Variants in TPGS2 observed in about 807,000 individuals in gnomAD.
The protein encoded by TPGS2 is polyglutamylase subunit 2.
Under a neutral mutation model 31.1 loss-of-function variants are expected in TPGS2, and 26 were observed. That is an observed-to-expected ratio of 0.84 (90% confidence interval 0.61 to 1.16). The LOEUF (loss-of-function observed/expected upper bound fraction) is 1.16, where lower values mean the gene tolerates loss of function less well. Ranked by LOEUF, TPGS2 falls within the 50% of genes most tolerant of loss-of-function variation. The pLI, the probability that TPGS2 is intolerant of heterozygous loss-of-function variation, is 0.00. For synonymous variants in TPGS2, 130 were observed against 136.6 expected, an observed-to-expected ratio of 0.95 and a Z score of 0.34; for missense variants, 351 against 363.8, an observed-to-expected ratio of 0.96 and a Z score of 0.29.
At chr18:36,802,305 ACT>A (rs2044859128) in intron 4 of TPGS2, among the ~76,000 whole-genome samples, 1 of 152,040 alleles carries the variant, frequency 6.6e-6, no homozygotes, top group African/African-American at 2.4e-5. Context: ...AGAACAGAAA[ACT>A]CAATGTGGCT....
At chr18:36,823,304 CT>C (rs1223965569) in intron 1 of TPGS2, among the ~76,000 whole-genome samples, 1 of 152,142 alleles carries the variant, frequency 6.6e-6, no homozygotes, top group Non-Finnish European at 1.5e-5. Flanking sequence ...AGGACTGAAG[CT>C]TCCATTTCCT....
chr18:36,800,693 CTTT>C (rs143440654), intron 4 of TPGS2, among the ~76,000 whole-genome samples: 2 of 143,328 alleles, frequency 1.4e-5, no homozygotes, highest in Non-Finnish European at 3.1e-5. Context: ...ATCTTTCTTT[CTTT>C]TTTTTTTTTT....
At chr18:36,811,728 ACT>A (rs1316465176) in intron 2 of TPGS2, among the ~76,000 whole-genome samples, 1 of 152,060 alleles carries the variant, frequency 6.6e-6, no homozygotes, top group Non-Finnish European at 1.5e-5. Context: ...AAGGCTCGAC[ACT>A]CTTTCTGACT....
At position 36,826,404 on chromosome 18, in the gene TPGS2, CTGTGTGTGTGTGTGTGTG is replaced by C. The variant is rs34742069; in HGVS notation, c.85+2261_85+2278del. 8.4e-3 allele frequency among the ~76,000 whole-genome samples: 1,235 copies of C among 146,444 alleles called. 20 individuals are homozygous for C. The highest frequency in any genetic ancestry group is 0.029 in the African/African-American group (1,154 of 39,296). On this transcript the variant is annotated intron_variant, in intron 1 of 6. Transcript: ENST00000334295. ...GGATTGTTCATTGCTGGTGTATAGG[CTGTGTGTGTGTGTGTGTG>C]TGTGTGTGTGTGTGTGTGTGGATTC...
rs1394706547 is a variant in TPGS2, at chr18:36,795,349, GAA to G, written c.*1454_*1455del. 1.0e-6 allele frequency: 1 copy of G among 985,428 alleles called. No homozygotes were observed. The highest frequency in any genetic ancestry group is 1.2e-6 in the Non-Finnish European group (1 of 830,034). 61.0% of individuals were successfully genotyped at this position (985,428 alleles called of 1,614,324 possible). On this transcript the variant is annotated 3_prime_UTR_variant, in exon 7 of 7. Transcript: ENST00000334295. ...AATCACCGGGGTAGAGAGAAGTCAG[GAA>G]AGAGAATGAGCCAGCTGGGACTGAA...
At position 36,795,635 on chromosome 18, in the gene TPGS2, T is replaced by C. The variant is rs985498786; in HGVS notation, c.*1170A>G. ...TAAAAATTTCATTAAATGTAGTAGG[T>C]ATGTCAGATTTATCTTGTGTCAAAT... On this transcript the variant is annotated 3_prime_UTR_variant, in exon 7 of 7. Coordinates refer to ENST00000334295, the MANE Select transcript of TPGS2 (RefSeq NM_015476.4). 45 of 985,462 alleles carry C rather than the reference T, an allele frequency of 4.6e-5. No homozygotes were observed. Among genetic ancestry groups the C allele is most frequent in the Non-Finnish European group, 5.3e-5 (44 of 829,932 alleles). The allele number at this position is 985,462 out of a possible 1,614,324, so 61.0% of individuals were successfully genotyped here.
downstream of TPGS2, among the ~76,000 whole-genome samples, chr18:36,791,181 G>T (rs963585754): frequency 1.3e-5 from 2 of 152,116 alleles, no homozygotes; most frequent in Non-Finnish European, 2.9e-5. Context: ...AGCCATGATT[G>T]TAAGTTTCCT....
At chr18:36,807,107 G>C (rs1188904392) in intron 3 of TPGS2, among the ~76,000 whole-genome samples, 3 of 140,092 alleles carry the variant, frequency 2.1e-5, no homozygotes, top group Non-Finnish European at 5.0e-5. Flanking sequence ...TAATGGACTG[G>C]AGGGGAGGAA....
At chr18:36,786,795 T>G (rs2044142027) in intron 6 of TPGS2, 1 of 1,233,878 alleles carries the variant, frequency 8.1e-7, no homozygotes, top group African/African-American at 1.6e-5. Flanking sequence ...GTCTGTTCAC[T>G]TGGTTGGAGA....
chr18:36,819,525 G>A (rs1440097390), intron 1 of TPGS2, among the ~76,000 whole-genome samples: 2 of 152,102 alleles, frequency 1.3e-5, no homozygotes, highest in Non-Finnish European at 2.9e-5. Context: ...TCCTTGAAGC[G>A]GGAAAAGGTC....
chr18:36,786,135 A>G (rs965596486), intron 6 of TPGS2, among the ~76,000 whole-genome samples: 16 of 152,216 alleles, frequency 1.1e-4, no homozygotes, highest in African/African-American at 3.4e-4. Flanking sequence ...GAAACTGACC[A>G]GAACCAGTCC....
intron 2 of TPGS2, among the ~76,000 whole-genome samples, chr18:36,811,944 T>A (rs1438113532): frequency 6.6e-6 from 1 of 152,164 alleles, no homozygotes; most frequent in Non-Finnish European, 1.5e-5. Flanking sequence ...TGGCAATGTG[T>A]CCTATTAAAT....
downstream of TPGS2, among the ~76,000 whole-genome samples, chr18:36,781,565 T>C: frequency 6.6e-6 from 1 of 152,214 alleles, no homozygotes; most frequent in Non-Finnish European, 1.5e-5. Context: ...AGCAGGAGAA[T>C]TGTTTAAATC....
chr18:36,804,181 T>A (rs143336982), intron 4 of TPGS2, among the ~76,000 whole-genome samples: 2 of 152,350 alleles, frequency 1.3e-5, no homozygotes, highest in East Asian at 3.9e-4. Context: ...CTGAGTCCCC[T>A]GACAGAAGTC....
At chr18:36,810,041 A>G (rs2045347418) in intron 2 of TPGS2, among the ~76,000 whole-genome samples, 1 of 152,226 alleles carries the variant, frequency 6.6e-6, no homozygotes, top group Non-Finnish European at 1.5e-5. Flanking sequence ...TTCAAATACT[A>G]ATATACATAA....
intron 3 of TPGS2, among the ~76,000 whole-genome samples, chr18:36,805,775 C>A (rs767793194): frequency 6.6e-6 from 1 of 152,126 alleles, no homozygotes. Flanking sequence ...GGAATACCAA[C>A]AAAGAACTGG....
chr18:36,786,053 G>A (rs1360222302), intron 6 of TPGS2, among the ~76,000 whole-genome samples: 1 of 152,156 alleles, frequency 6.6e-6, no homozygotes, highest in African/African-American at 2.4e-5. Flanking sequence ...ACTTTTAAAT[G>A]TATTACCATT....
intron 1 of TPGS2, among the ~76,000 whole-genome samples, chr18:36,822,787 A>T (rs951013817): frequency 1.1e-4 from 17 of 152,102 alleles, no homozygotes; most frequent in Non-Finnish European, 4.4e-5. Flanking sequence ...TTGTAGAGAC[A>T]GGGGTCTCAC....
chr18:36,822,185 A>G (rs1439672189), intron 1 of TPGS2, among the ~76,000 whole-genome samples: 1 of 152,224 alleles, frequency 6.6e-6, no homozygotes, highest in African/African-American at 2.4e-5. Flanking sequence ...ACCAGCATTC[A>G]ATAAACCCCT....
Sources: gnomAD v4.1 joint callset for allele counts (sites outside exome capture counted in the v4.1 genomes callset) on GRCh38, gnomAD v4.1.1 for gene constraint, MANE v1.5 for transcripts, NCBI Gene and HGNC (gene_info 2026-07-23, HGNC 2026-07-21) for gene names.